CASS4: variants seen among roughly 807,000 people sequenced by gnomAD.
CASS4 encodes cas scaffolding protein family member 4.
A neutral mutation model predicts 54.2 loss-of-function variants in CASS4; 22 were observed. That is an observed-to-expected ratio of 0.41 (90% CI 0.29 to 0.58). The LOEUF (loss-of-function observed/expected upper bound fraction) is 0.58. Ranked by LOEUF, CASS4 falls within the 20% of genes least tolerant of loss-of-function variation. The pLI, the probability that CASS4 is intolerant of heterozygous loss-of-function variation, is 0.36. For missense variants in CASS4, 854 were observed against 986.7 expected, an observed-to-expected ratio of 0.87 and a Z score of 1.80; for synonymous variants, 409 against 391.5, an observed-to-expected ratio of 1.04 and a Z score of -0.53.
At chr20:56,447,056 A>T (rs1310489929) in intron 3 of CASS4, among the ~76,000 whole-genome samples, 1 of 152,018 alleles carries the variant, frequency 6.6e-6, no homozygotes, top group Non-Finnish European at 1.5e-5. Context: ...AAAAATACAA[A>T]AATTAGCTGG....
chr20:56,450,353 A>ATTGTTGAATGTATACCC (rs1980936164), intron 3 of CASS4, among the ~76,000 whole-genome samples: 1 of 152,144 alleles, frequency 6.6e-6, no homozygotes, highest in South Asian at 2.1e-4. Context: ...CACAAAGTCC[A>ATTGTTGAATGTATACCC]TTGTTGAATG....
At chr20:56,441,157 T>G (rs1980437393) in intron 2 of CASS4, among the ~76,000 whole-genome samples, 1 of 147,880 alleles carries the variant, frequency 6.8e-6, no homozygotes, top group African/African-American at 2.6e-5. Context: ...CCTGGCTAAA[T>G]TTTTTTTGTA....
chr20:56,421,477 G>A (rs958905938), intron 1 of CASS4, among the ~76,000 whole-genome samples: 4 of 152,128 alleles, frequency 2.6e-5, no homozygotes, highest in Non-Finnish European at 5.9e-5. Context: ...TGGGAGGATC[G>A]CTTGAGCCCA....
chr20:56,455,442 G>A (rs906284626), intron 5 of CASS4, among the ~76,000 whole-genome samples: 15 of 152,308 alleles, frequency 9.8e-5, no homozygotes, highest in Admixed American at 2.0e-4. Flanking sequence ...ATAGGATAAG[G>A]TCATGTACCT....
chr20:56,454,211 A>G (rs1264359166), intron 5 of CASS4, among the ~76,000 whole-genome samples: 3 of 152,130 alleles, frequency 2.0e-5, no homozygotes, highest in Non-Finnish European at 2.9e-5. Flanking sequence ...AACAAAAGAC[A>G]GAAAGAAATA....
chr20:56,424,301 T>C (rs1164283367), intron 1 of CASS4, among the ~76,000 whole-genome samples: 1 of 152,220 alleles, frequency 6.6e-6, no homozygotes, highest in Non-Finnish European at 1.5e-5. Context: ...TTAATCTACC[T>C]GCAAATTCTT....
intron 1 of CASS4, among the ~76,000 whole-genome samples, chr20:56,415,189 C>T (rs369852052): frequency 2.6e-5 from 4 of 152,260 alleles, no homozygotes; most frequent in East Asian, 1.9e-4. Context: ...CTTTGCAGGC[C>T]AAATACAATC....
At chr20:56,427,655 C>T (rs1479671301) in intron 1 of CASS4, among the ~76,000 whole-genome samples, 1 of 152,244 alleles carries the variant, frequency 6.6e-6, no homozygotes, top group Non-Finnish European at 1.5e-5. Context: ...AACATAAAAG[C>T]TCCTACATCC....
chr20:56,454,992 G>T (rs1368816888), intron 5 of CASS4, among the ~76,000 whole-genome samples: 1 of 152,100 alleles, frequency 6.6e-6, no homozygotes. Flanking sequence ...GGTTGTTGTG[G>T]GTGGTACTGA....
chr20:56,425,028 A>C (rs1165227569), intron 1 of CASS4, among the ~76,000 whole-genome samples: 1 of 152,218 alleles, frequency 6.6e-6, no homozygotes, highest in African/African-American at 2.4e-5. Flanking sequence ...CACATGCAAC[A>C]TGCAGCTACT....
At chr20:56,418,408 C>T (rs1203208417) in intron 1 of CASS4, among the ~76,000 whole-genome samples, 4 of 152,126 alleles carry the variant, frequency 2.6e-5, no homozygotes, top group African/African-American at 9.7e-5. Flanking sequence ...AGGGCCTGGT[C>T]GGCCGTGTAA....
chr20:56,418,379 G>A (rs1365232649), intron 1 of CASS4, among the ~76,000 whole-genome samples: 2 of 152,200 alleles, frequency 1.3e-5, no homozygotes, highest in Non-Finnish European at 2.9e-5. Flanking sequence ...TGAGATCTGA[G>A]GTGTAAGCAG....
At chr20:56,431,384 T>C (rs1438079674) in intron 1 of CASS4, among the ~76,000 whole-genome samples, 2 of 152,244 alleles carry the variant, frequency 1.3e-5, no homozygotes, top group Non-Finnish European at 2.9e-5. Context: ...TGAGGCATAA[T>C]TAATTGATTG....
At chr20:56,417,766 G>T (rs1979215765) in intron 1 of CASS4, among the ~76,000 whole-genome samples, 1 of 152,228 alleles carries the variant, frequency 6.6e-6, no homozygotes, top group African/African-American at 2.4e-5. Context: ...TTTGGCAACG[G>T]AGGTCATTCC....
chr20:56,433,264 T>G (rs1365741965), intron 1 of CASS4, among the ~76,000 whole-genome samples: 8 of 152,174 alleles, frequency 5.3e-5, no homozygotes, highest in African/African-American at 1.9e-4. Flanking sequence ...GGAAGTGACA[T>G]TTAAGATAAG....
At chr20:56,457,152 TC>T (rs1981338612) in intron 5 of CASS4, among the ~76,000 whole-genome samples, 1 of 152,184 alleles carries the variant, frequency 6.6e-6, no homozygotes, top group South Asian at 2.1e-4. Flanking sequence ...TTGTCTAACT[TC>T]CCCTCCAACC....
intron 1 of CASS4, among the ~76,000 whole-genome samples, chr20:56,415,866 A>G (rs1979108618): frequency 6.6e-6 from 1 of 152,232 alleles, no homozygotes; most frequent in Non-Finnish European, 1.5e-5. Context: ...TTTGTGTAAT[A>G]TCCAGACTGA....
At chr20:56,431,691 G>A (rs1054118370) in intron 1 of CASS4, among the ~76,000 whole-genome samples, 6 of 152,166 alleles carry the variant, frequency 3.9e-5, no homozygotes, top group African/African-American at 1.2e-4. Flanking sequence ...TTTACAATAG[G>A]CAAATCCGCC....
intron 5 of CASS4, 40 bp from the exon 6 acceptor site, chr20:56,458,300 G>A: frequency 6.4e-7 from 1 of 1,571,944 alleles, no homozygotes; most frequent in Admixed American, 1.7e-5. Flanking sequence ...ACAGCCCATT[G>A]ATTGAATCTC....
Sources: allele counts gnomAD v4.1 joint callset (sites outside exome capture counted in the v4.1 genomes callset), GRCh38; gene constraint gnomAD v4.1.1; transcripts MANE v1.5; gene names NCBI Gene and HGNC (gene_info 2026-07-23, HGNC 2026-07-21).